PPFIA1: variants seen among roughly 807,000 people sequenced by gnomAD.
PPFIA1 encodes the protein liprin-alpha-1.
Under a neutral mutation model 149.9 loss-of-function variants are expected in PPFIA1, and 25 were observed. The ratio of observed to expected loss-of-function variants is 0.17; its 90% CI spans 0.12 to 0.23. The LOEUF is 0.23. PPFIA1 is among the 10% of genes least tolerant of loss of function. The pLI, the probability that PPFIA1 is intolerant of heterozygous loss-of-function variation, is 1.00. For missense variants in PPFIA1, 1,362 were observed against 1,506.5 expected, an observed-to-expected ratio of 0.90 and a Z score of 1.59; for synonymous variants, 549 against 552.8, an observed-to-expected ratio of 0.99 and a Z score of 0.10.
intron 26 of PPFIA1, 124 bp downstream of exon 26, chr11:70,378,319 T>C: frequency 7.3e-7 from 1 of 1,364,620 alleles, no homozygotes; most frequent in Non-Finnish European, 9.5e-7. Context: ...TATGGTTGCA[T>C]GTCCAAATAT....
chr11:70,286,545 C>T (rs1279725851), intron 2 of PPFIA1, among the ~76,000 whole-genome samples: 1 of 152,098 alleles, frequency 6.6e-6, no homozygotes, highest in African/African-American at 2.4e-5. Context: ...GCCACTGCTC[C>T]CGGCCCTATC....
In PPFIA1 at chr11:70,325,031, T is replaced by C. The variant is rs775743432; in HGVS notation, c.531+20T>C. On this transcript the variant is annotated intron_variant, in intron 4 of 27. Transcript: ENST00000253925. ...GAAAAGGTGCCATCAGCCACATAAG[T>C]CTTGGTTTGTGCACATGCTGTGTAT... 2 of 1,593,914 alleles carry C rather than the reference T, an allele frequency of 1.3e-6. No homozygotes were observed. Among genetic ancestry groups the C allele is most frequent in the Non-Finnish European group, 8.5e-7 (1 of 1,172,122 alleles).
At chr11:70,364,370 A>G (rs1013854281) in intron 21 of PPFIA1, 1 of 152,204 alleles carries the variant, frequency 6.6e-6, no homozygotes, top group African/African-American at 2.4e-5. Context: ...GGTTATTGGG[A>G]GATAAGGGCA....
At chr11:70,367,545 C>T in intron 21 of PPFIA1, 1 of 456,070 alleles carries the variant, frequency 2.2e-6, no homozygotes, top group Non-Finnish European at 4.4e-6. Flanking sequence ...CAGTGGGTGT[C>T]TCTTCTAGTT....
chr11:70,347,475 G>C (rs1005934121), intron 15 of PPFIA1, among the ~76,000 whole-genome samples: 4 of 152,210 alleles, frequency 2.6e-5, no homozygotes, highest in Non-Finnish European at 4.4e-5. Context: ...GCTGAGGTTG[G>C]AGGATGTCTT....
chr11:70,322,035 A>G (rs2053973662), intron 2 of PPFIA1, among the ~76,000 whole-genome samples: 1 of 152,146 alleles, frequency 6.6e-6, no homozygotes, highest in Non-Finnish European at 1.5e-5. Context: ...ATGCACCACC[A>G]TGTCCAGCTA....
intron 15 of PPFIA1, among the ~76,000 whole-genome samples, chr11:70,347,660 C>A (rs2055796596): frequency 6.6e-6 from 1 of 152,158 alleles, no homozygotes; most frequent in East Asian, 1.9e-4. Context: ...GAGCTGTGAT[C>A]ATGCTACTGC....
At chr11:70,293,642 G>A (rs1397968840) in intron 2 of PPFIA1, among the ~76,000 whole-genome samples, 1 of 152,198 alleles carries the variant, frequency 6.6e-6, no homozygotes, top group African/African-American at 2.4e-5. Context: ...ATCTGCTGGA[G>A]CCTTGTGTTA....
At chr11:70,377,051 C>T (rs1009952420) in intron 25 of PPFIA1, among the ~76,000 whole-genome samples, 4 of 151,478 alleles carry the variant, frequency 2.6e-5, no homozygotes, top group Admixed American at 1.3e-4. Context: ...CCAGCCTGGG[C>T]GACAGAGAGA....
chr11:70,332,383 T>C (rs545167523), intron 9 of PPFIA1, among the ~76,000 whole-genome samples: 1 of 152,258 alleles, frequency 6.6e-6, no homozygotes, highest in South Asian at 2.1e-4. Context: ...AGCTTAAGCA[T>C]AGGATAGAAG....
intron 18 of PPFIA1, 43 bp from the exon 19 acceptor site, chr11:70,356,118 G>C: frequency 6.9e-7 from 1 of 1,441,530 alleles, no homozygotes; most frequent in Non-Finnish European, 9.7e-7. Context: ...ATAGAGCTTT[G>C]TCATGCTGAT....
rs148505346 is a variant in PPFIA1, at chr11:70,277,472, A to G, written c.264+5036A>G. 3.7e-3 allele frequency among the ~76,000 whole-genome samples: 553 copies of G among 150,326 alleles called. 3 individuals carry two copies. The highest frequency in any genetic ancestry group is 0.013 in the African/African-American group (526 of 40,922). On this transcript the variant is annotated intron_variant, in intron 2 of 27. Transcript: ENST00000253925. ...TTGTTTCATGTTTCTGCCGGGGATT[A>G]TATTTCTTGTTTTTTTTTTTTCTTT...
At chr11:70,358,026 G>A (rs1452396262) in intron 19 of PPFIA1, among the ~76,000 whole-genome samples, 3 of 152,154 alleles carry the variant, frequency 2.0e-5, no homozygotes, top group Non-Finnish European at 4.4e-5. Flanking sequence ...TTTTATGATA[G>A]TAAGTATGAG....
Position 70,339,246 on chromosome 11 carries a change from T to A in PPFIA1, c.1647T>A (p.Ser549Arg), listed in dbSNP as rs776826221. The A allele has an allele frequency of 3.1e-6, 5 of 1,614,212 alleles. No homozygotes were observed. In the South Asian group the frequency reaches 5.5e-5, roughly 18 times the overall value. ...ADGHTDSYST[S>R]AVLRRPQKGR... ...GCCACACAGACTCCTACAGCACCAG[T>A]GCAGTGCTGCGGCGCCCACAGAAAG... is the stretch of plus-strand genomic sequence containing the variant. The change falls in exon 14 of 28, where the codon AGT (serine) becomes AGA (arginine). Residue 549 changes from serine to arginine, a missense_variant. This residue lies in a region of PPFIA1 where 733 missense variants were observed against 744.1 expected (regional missense o/e 0.99). Transcript: ENST00000253925.
intron 18 of PPFIA1, 141 bp from the exon 19 acceptor site, chr11:70,356,020 G>T: frequency 9.8e-7 from 1 of 1,019,012 alleles, no homozygotes; most frequent in South Asian, 1.4e-5. Context: ...TTTCCGTCTT[G>T]GGCATTTGGT....
intron 3 of PPFIA1, 30 bp from the exon 4 acceptor site, chr11:70,324,817 A>G: frequency 6.6e-7 from 1 of 1,504,260 alleles, no homozygotes; most frequent in Non-Finnish European, 9.0e-7. Flanking sequence ...ATGCTGTTTA[A>G]CAAGTCTTTA....
chr11:70,299,047 T>C (rs1393296369), intron 2 of PPFIA1, among the ~76,000 whole-genome samples: 2 of 152,160 alleles, frequency 1.3e-5, no homozygotes, highest in Non-Finnish European at 2.9e-5. Context: ...GAGACCAGCC[T>C]GGGCAACATG....
intron 2 of PPFIA1, among the ~76,000 whole-genome samples, chr11:70,296,779 G>A (rs920894928): frequency 2.7e-5 from 4 of 149,512 alleles, no homozygotes; most frequent in Non-Finnish European, 5.9e-5. Context: ...GAGGGAGAGG[G>A]AGAGGAGAAT....
At chr11:70,309,942 C>G (rs2053149572) in intron 2 of PPFIA1, among the ~76,000 whole-genome samples, 1 of 152,102 alleles carries the variant, frequency 6.6e-6, no homozygotes, top group Non-Finnish European at 1.5e-5. Flanking sequence ...GGTAACACAG[C>G]ATTGTGAATA....
Sources: gnomAD v4.1 joint callset for allele counts (sites outside exome capture counted in the v4.1 genomes callset) on GRCh38, gnomAD v4.1.1 for gene constraint, gnomAD v4.1.1 regional missense constraint, MANE v1.5 for transcripts, NCBI Gene and HGNC (gene_info 2026-07-23, HGNC 2026-07-21) for gene names.